Variants in INSIG2 observed in about 807,000 individuals in gnomAD.
The protein encoded by INSIG2 is insulin induced gene 2.
In INSIG2, 10 loss-of-function variants were observed where a neutral mutation model predicts 27.2. The observed-to-expected ratio is 0.37, with a 90% CI of 0.23 to 0.62. The LOEUF is 0.62. Among genes scored for constraint, INSIG2 ranks in the 20% least tolerant of loss-of-function variants. The pLI is 0.65. For missense variants in INSIG2, 178 were observed against 270.2 expected (o/e 0.66, Z 2.39); for synonymous variants, 97 against 95.8 (o/e 1.01, Z -0.07).
intron 1 of INSIG2, among the ~76,000 whole-genome samples, chr2:118,091,351 C>A (rs1678221280): frequency 6.6e-6 from 1 of 152,162 alleles, no homozygotes; most frequent in Non-Finnish European, 1.5e-5. Context: ...TCACTATACA[C>A]GTTTGTGGTA....
At position 118,110,898 on chromosome 2, in the gene INSIG2, G is replaced by C. The variant is rs1296734619; in HGVS notation, c.*2576G>C. On this transcript the variant is annotated 3_prime_UTR_variant, in exon 6 of 6. Coordinates refer to ENST00000245787, the MANE Select transcript of INSIG2 (RefSeq NM_016133.4). Reference sequence around the variant, plus strand: ...ACTGAGCTGTTTTACCTTCTTTAAGGCCATTGGGACCTCTCAATGATGCAT... The same window carrying C: ...ACTGAGCTGTTTTACCTTCTTTAAGCCCATTGGGACCTCTCAATGATGCAT... 1 of 152,120 alleles carries C rather than the reference G, an allele frequency of 6.6e-6. No individual in the cohort carries two copies. The highest frequency in any genetic ancestry group is 1.5e-5 in the Non-Finnish European group (1 of 68,026). The allele number at this position is 152,120 out of a possible 1,614,324, so 9.4% of individuals were successfully genotyped here. A position where few individuals can be genotyped will look rare whatever the true frequency, so the allele number is the denominator to read the frequency against.
chr2:118,098,480 A>T (rs1391263099), intron 2 of INSIG2, among the ~76,000 whole-genome samples: 1 of 152,194 alleles, frequency 6.6e-6, no homozygotes, highest in African/African-American at 2.4e-5. Context: ...CTGGGTCCAC[A>T]TGTCACATGC....
chr2:118,102,586 C>T (rs1217527291), intron 2 of INSIG2: 2 of 152,310 alleles, frequency 1.3e-5, no homozygotes, highest in Non-Finnish European at 2.9e-5. Flanking sequence ...GACCTACAGC[C>T]TCATTAAAGG....
intron 4 of INSIG2, 83 bp from the exon 5 acceptor site, chr2:118,107,007 C>T: frequency 6.7e-7 from 1 of 1,481,658 alleles, no homozygotes; most frequent in Non-Finnish European, 9.4e-7. Flanking sequence ...GTTTAATCTA[C>T]AGAGTAGTTT....
intron 5 of INSIG2, among the ~76,000 whole-genome samples, chr2:118,107,940 T>C (rs1678714845): frequency 6.6e-6 from 1 of 152,198 alleles, no homozygotes; most frequent in African/African-American, 2.4e-5. Context: ...TTTGCTAATT[T>C]GCCTTATTGA....
At chr2:118,095,052 GATATTA>G (rs1678375156) in intron 1 of INSIG2, among the ~76,000 whole-genome samples, 2 of 152,310 alleles carry the variant, frequency 1.3e-5, no homozygotes, top group African/African-American at 4.8e-5. Flanking sequence ...TAGGCACAGT[GATATTA>G]ATATAATAGT....
Position 118,108,455 on chromosome 2 carries a change from T to TA in INSIG2, c.*133_*134insA. The TA allele has an allele frequency of 1.7e-6, 1 of 602,664 alleles. No homozygotes were observed. The highest frequency in any genetic ancestry group is 3.0e-6 in the Non-Finnish European group (1 of 336,210). 37.3% of individuals were successfully genotyped at this position (602,664 alleles called of 1,614,324 possible). A position where few individuals can be genotyped will look rare whatever the true frequency, so the allele number is the denominator to read the frequency against. On this transcript the variant is annotated 3_prime_UTR_variant, in exon 6 of 6. Coordinates refer to ENST00000245787, the MANE Select transcript of INSIG2 (RefSeq NM_016133.4). ...CCCTTGATTGGCGTGTGTGTATATA[T>TA]GGATAAATATATATATACACACACA... is the stretch of plus-strand genomic sequence containing the variant.
intron 2 of INSIG2, among the ~76,000 whole-genome samples, chr2:118,102,176 T>C (rs1225218046): frequency 1.3e-5 from 2 of 152,262 alleles, no homozygotes; most frequent in Non-Finnish European, 2.9e-5. Flanking sequence ...GTGACAGTAG[T>C]GTCTTTATTG....
At chr2:118,107,040 G>A (rs779777792) in intron 4 of INSIG2, 50 bp from the exon 5 acceptor site, 1 of 1,441,714 alleles carries the variant, frequency 6.9e-7, no homozygotes. Context: ...ATTATCTTAA[G>A]TGTCATTGCA....
In INSIG2 at chr2:118,103,247, C is replaced by A. The variant is rs1248242660; in HGVS notation, c.295C>A (p.His99Asn). 1 of 1,613,740 alleles carries A rather than the reference C, an allele frequency of 6.2e-7. No homozygotes were observed. Among genetic ancestry groups the A allele is most frequent in the South Asian group, 1.1e-5 (1 of 91,074 alleles). Residue 99 changes from histidine (H) to asparagine (N), a missense_variant, in exon 3 of 6, where the codon CAT (histidine) becomes AAT (asparagine). Coordinates refer to ENST00000245787, the MANE Select transcript of INSIG2 (RefSeq NM_016133.4). The stretch of plus-strand genomic sequence containing the variant: ...CATTGACAGACATCTAGGAGAACCA[C>A]ATAAATTTAAAAGAGAGTGGTCCAG... ...PCIDRHLGEPHKFKREWSSVM... is the reference protein window; with the variant it reads ...PCIDRHLGEPNKFKREWSSVM...
At chr2:118,091,951 A>G (rs1456938826) in intron 1 of INSIG2, among the ~76,000 whole-genome samples, 1 of 152,200 alleles carries the variant, frequency 6.6e-6, no homozygotes, top group Admixed American at 6.6e-5. Flanking sequence ...CAGGGATGCT[A>G]AATGTTTTGC....
chr2:118,094,552 C>G (rs554460317), intron 1 of INSIG2, among the ~76,000 whole-genome samples: 2 of 152,302 alleles, frequency 1.3e-5, no homozygotes, highest in African/African-American at 4.8e-5. Flanking sequence ...CATGAATTAG[C>G]TATACTGTGG....
chr2:118,102,065 G>C (rs1296267634), intron 2 of INSIG2, among the ~76,000 whole-genome samples: 1 of 152,196 alleles, frequency 6.6e-6, no homozygotes, highest in African/African-American at 2.4e-5. Flanking sequence ...TACTGGGTAG[G>C]GGGAGGGCCT....
In INSIG2 at chr2:118,108,415, C is replaced by CA; in HGVS notation, c.*94dup. On this transcript the variant is annotated 3_prime_UTR_variant, in exon 6 of 6. Coordinates refer to ENST00000245787, the MANE Select transcript of INSIG2 (RefSeq NM_016133.4). Reference sequence around the variant, plus strand: ...ACAAAACTTCAGACTGTAAAATTGCCAGGATGCAGTTTTCCCCTTGATTGG... The same window carrying CA: ...ACAAAACTTCAGACTGTAAAATTGCCAAGGATGCAGTTTTCCCCTTGATTGG... 1.1e-6 allele frequency: 1 copy of CA among 936,710 alleles called. No homozygotes were observed. The highest frequency in any genetic ancestry group is 1.7e-6 in the Non-Finnish European group (1 of 593,318). 58.0% of individuals were successfully genotyped at this position (936,710 alleles called of 1,614,324 possible).
rs762434302 is a variant in INSIG2, at chr2:118,093,663, T to TGAGGAG, written c.-138-2734_-138-2729dup. ...GCTAAAAGCAACCAGATGATGATGA[T>TGAGGAG]GAGGAGGAGGAGGAGGAGGAGGAGG... On this transcript the variant is annotated intron_variant, in intron 1 of 5. Transcript: ENST00000245787. Among the ~76,000 whole-genome samples the TGAGGAG allele has an allele frequency of 3.5e-3, 84 of 24,306 alleles. 5 individuals carry two copies. Among genetic ancestry groups the TGAGGAG allele is most frequent in the African/African-American group, 9.7e-3 (65 of 6,722 alleles). 15.9% of individuals were successfully genotyped at this position (24,306 alleles called of 152,430 possible).
chr2:118,099,007 T>C (rs76919072), intron 2 of INSIG2, among the ~76,000 whole-genome samples: 2,107 of 152,264 alleles, frequency 0.014, 51 homozygotes, highest in African/African-American at 0.045. Flanking sequence ...GTGAAAGATA[T>C]CAGATTTGTC....
intron 2 of INSIG2, among the ~76,000 whole-genome samples, chr2:118,100,709 A>T (rs1678524273): frequency 6.6e-6 from 1 of 152,146 alleles, no homozygotes; most frequent in African/African-American, 2.4e-5. Context: ...AAATACCAAG[A>T]ACCAGACATA....
intron 3 of INSIG2, among the ~76,000 whole-genome samples, chr2:118,106,236 C>A (rs1369871401): frequency 6.6e-6 from 1 of 152,206 alleles, no homozygotes; most frequent in East Asian, 1.9e-4. Flanking sequence ...GTCAGTAAAT[C>A]ATAGAGAGAA....
At chr2:118,095,803 A>G (rs1171494903) in intron 1 of INSIG2, among the ~76,000 whole-genome samples, 1 of 152,006 alleles carries the variant, frequency 6.6e-6, no homozygotes, top group African/African-American at 2.4e-5. Context: ...CCCTGGGGAG[A>G]GTGAGTCAGG....
Sources: gnomAD v4.1 joint callset for allele counts (sites outside exome capture counted in the v4.1 genomes callset) on GRCh38, gnomAD v4.1.1 for gene constraint, MANE v1.5 for transcripts, NCBI Gene and HGNC (gene_info 2026-07-23, HGNC 2026-07-21) for gene names.